The following BTBD9 variants were observed in gnomAD, a reference collection of about 807,000 sequenced individuals.
The protein encoded by BTBD9 is BTB domain containing 9, also known as BTB/POZ domain-containing protein 9.
BTBD9 carries 49 observed loss-of-function variants against 64.3 expected under a neutral mutation model. The observed-to-expected ratio is 0.76, with a 90% CI of 0.61 to 0.97. The LOEUF (loss-of-function observed/expected upper bound fraction) is 0.97, where lower values mean the gene tolerates loss of function less well. BTBD9 is among the 50% of genes least tolerant of loss of function. The probability of loss-of-function intolerance (pLI) is 0.00; values close to 1 mark genes in which losing one functional copy is unlikely to be tolerated. For synonymous variants in BTBD9, 260 were observed against 274.7 expected, an observed-to-expected ratio of 0.95 and a Z score of 0.53; for missense variants, 598 against 762.1, an observed-to-expected ratio of 0.78 and a Z score of 2.53.
chr6:38,301,695 C>T (rs934282530), intron 7 of BTBD9, among the ~76,000 whole-genome samples: 1 of 152,024 alleles, frequency 6.6e-6, no homozygotes, highest in African/African-American at 2.4e-5. Context: ...TCTGTGGGAT[C>T]GGTGGTGATA....
chr6:38,283,280 G>A (rs1761592524), intron 8 of BTBD9, among the ~76,000 whole-genome samples: 1 of 152,188 alleles, frequency 6.6e-6, no homozygotes, highest in Non-Finnish European at 1.5e-5. Flanking sequence ...GATGAAAACA[G>A]CCAAACAAAA....
At chr6:38,526,912 G>A (rs1428262181) in intron 6 of BTBD9, among the ~76,000 whole-genome samples, 2 of 152,170 alleles carry the variant, frequency 1.3e-5, no homozygotes, top group Non-Finnish European at 2.9e-5. Flanking sequence ...ATGGACTATG[G>A]ACTTTTCAGT....
intron 6 of BTBD9, among the ~76,000 whole-genome samples, chr6:38,423,490 A>G (rs1180091344): frequency 6.6e-6 from 1 of 151,856 alleles, no homozygotes; most frequent in East Asian, 1.9e-4. Context: ...TTTTTTGGAG[A>G]GATAAGGTCT....
At chr6:38,505,493 A>G (rs999134876) in intron 6 of BTBD9, among the ~76,000 whole-genome samples, 1 of 152,004 alleles carries the variant, frequency 6.6e-6, no homozygotes, top group Non-Finnish European at 1.5e-5. Flanking sequence ...GCGTGGTGGC[A>G]GGCACCTGTA....
chr6:38,441,517 A>G (rs546978138), intron 6 of BTBD9, among the ~76,000 whole-genome samples: 1 of 152,124 alleles, frequency 6.6e-6, no homozygotes, highest in African/African-American at 2.4e-5. Flanking sequence ...AACATCTGAG[A>G]TGTTCCCACC....
intron 9 of BTBD9, among the ~76,000 whole-genome samples, chr6:38,255,729 C>A (rs1764552940): frequency 6.6e-6 from 1 of 152,132 alleles, no homozygotes; most frequent in African/African-American, 2.4e-5. Flanking sequence ...TTGACGCTAG[C>A]CCTGAGAATG....
intron 6 of BTBD9, among the ~76,000 whole-genome samples, chr6:38,425,927 T>TACATACAC (rs1554150451): frequency 2.2e-5 from 3 of 136,988 alleles, no homozygotes; most frequent in Non-Finnish European, 3.2e-5. Flanking sequence ...AAGAAACACA[T>TACATACAC]ACACACACAC....
rs1487483386 is a variant in BTBD9, at chr6:38,522,359, A to AC, written c.1154+55240_1154+55241insG. Among the ~76,000 whole-genome samples the AC allele has an allele frequency of 1.8e-3, 99 of 55,280 alleles. 1 individual carries two copies. Among genetic ancestry groups the AC allele is most frequent in the African/African-American group, 4.4e-3 (90 of 20,658 alleles). 36.3% of individuals were successfully genotyped at this position (55,280 alleles called of 152,430 possible). ...CTTTCACATTTATACTTCTCAAATT[A>AC]AAGTCCCTATACTCTACTGAAACTT... On this transcript the variant is annotated intron_variant, in intron 6 of 10. Transcript: ENST00000481247.
chr6:38,460,665 C>T (rs1383277878), intron 6 of BTBD9, among the ~76,000 whole-genome samples: 2 of 152,046 alleles, frequency 1.3e-5, no homozygotes, highest in African/African-American at 2.4e-5. Context: ...GCTCTGTCAC[C>T]GAGGCTGGAG....
In BTBD9 at chr6:38,172,584, A is replaced by G. The variant is rs537312506; in HGVS notation, c.*2401T>C. The stretch of plus-strand genomic sequence containing the variant: ...TGGAGTCCAGGGCAGGCTCCCAGCA[A>G]AGCGAGGGGGAGGCGAGCTGGCAGC... On this transcript the variant is annotated 3_prime_UTR_variant, in exon 11 of 11. Transcript: ENST00000481247. The G allele has an allele frequency of 6.6e-6, 1 of 152,444 alleles. No individual in the cohort carries two copies. The highest frequency in any genetic ancestry group is 2.1e-4 in the South Asian group (1 of 4,832). 9.4% of individuals were successfully genotyped at this position (152,444 alleles called of 1,614,324 possible).
chr6:38,207,873 G>A (rs991057318), intron 9 of BTBD9, among the ~76,000 whole-genome samples: 5 of 152,034 alleles, frequency 3.3e-5, no homozygotes, highest in African/African-American at 9.7e-5. Context: ...GTTGCTTTCC[G>A]AGAATGGGAC....
At position 38,577,691 on chromosome 6, in the gene BTBD9, T is replaced by C. The variant is rs368495590; in HGVS notation, c.1063A>G (p.Met355Val). 60 of 1,609,648 alleles carry C rather than the reference T, an allele frequency of 3.7e-5. No individual in the cohort carries two copies. Among genetic ancestry groups the C allele is most frequent in the African/African-American group, 8.0e-5 (6 of 74,802 alleles). The change falls in exon 6 of 11, where the codon ATG becomes GTG. Residue 355 changes from methionine (M) to valine (V), a missense_variant. By Grantham distance (21) the Met-to-Val change is conservative (BLOSUM62 1). Coordinates refer to ENST00000481247, the MANE Select transcript of BTBD9 (RefSeq NM_001099272.2). The part of the protein sequence containing the change: ...RSYSYFIEVS[M>V]DELDWVRVID... ...ACTCTGACCCAATCAAGTTCATCCA[T>C]TGACACTTCAATGAAGTATGAGTAA...
At chr6:38,322,237 T>G (rs1336351442) in intron 7 of BTBD9, among the ~76,000 whole-genome samples, 2 of 152,112 alleles carry the variant, frequency 1.3e-5, no homozygotes, top group Non-Finnish European at 2.9e-5. Flanking sequence ...GTCCTCTTCC[T>G]GGGGAGGATT....
At chr6:38,436,750 C>T (rs1768761221) in intron 6 of BTBD9, among the ~76,000 whole-genome samples, 2 of 152,190 alleles carry the variant, frequency 1.3e-5, no homozygotes. Context: ...AGGGAGCGGA[C>T]AGGTTTGAAT....
Position 38,174,576 on chromosome 6 carries a change from C to CCATT in BTBD9, c.*405_*408dup, listed in dbSNP as rs1173015285. 1.6e-5 allele frequency: 3 copies of CCATT among 191,790 alleles called. No homozygotes were observed. The highest frequency in any genetic ancestry group is 3.2e-5 in the Non-Finnish European group (3 of 94,416). The allele number at this position is 191,790 out of a possible 1,614,324, so 11.9% of individuals were successfully genotyped here. The stretch of plus-strand genomic sequence containing the variant: ...AGCAGAATGAACACTCTATGGAGGC[C>CCATT]CATTCCTAAAGGGTGCCTCCAGGTA... On this transcript the variant is annotated 3_prime_UTR_variant, in exon 11 of 11. Transcript: ENST00000481247.
chr6:38,576,235 T>C (rs1776027805), intron 6 of BTBD9, among the ~76,000 whole-genome samples: 2 of 152,292 alleles, frequency 1.3e-5, no homozygotes, highest in South Asian at 4.1e-4. Context: ...GGGGTCCCTC[T>C]GTCACTCTGG....
intron 6 of BTBD9, among the ~76,000 whole-genome samples, chr6:38,442,561 T>C (rs1446086940): frequency 6.6e-6 from 1 of 151,446 alleles, no homozygotes; most frequent in Non-Finnish European, 1.5e-5. Flanking sequence ...GTTAATATGA[T>C]GACCCCAGAA....
intron 6 of BTBD9, among the ~76,000 whole-genome samples, chr6:38,546,804 G>A (rs1330524665): frequency 6.6e-6 from 1 of 152,178 alleles, no homozygotes; most frequent in African/African-American, 2.4e-5. Context: ...AGATAGCTGG[G>A]ATTACAGGTG....
chr6:38,325,457 G>A (rs976286341), intron 7 of BTBD9, among the ~76,000 whole-genome samples: 3 of 152,128 alleles, frequency 2.0e-5, no homozygotes, highest in Non-Finnish European at 4.4e-5. Flanking sequence ...AGGCCGAGGC[G>A]GGCGGATCAT....
Sources: allele counts gnomAD v4.1 joint callset (sites outside exome capture counted in the v4.1 genomes callset), GRCh38; gene constraint gnomAD v4.1.1; transcripts MANE v1.5; gene names NCBI Gene and HGNC (gene_info 2026-07-23, HGNC 2026-07-21).